The following ATF2 variants were observed in gnomAD, a reference collection of about 807,000 sequenced individuals.
The protein encoded by ATF2 is activating transcription factor 2.
ATF2 carries 24 observed loss-of-function variants against 60.6 expected under a neutral mutation model. That is an observed-to-expected ratio of 0.40 (90% CI 0.29 to 0.56). ATF2 has a LOEUF of 0.56. Among genes scored for constraint, ATF2 ranks in the 20% least tolerant of loss-of-function variants. ATF2 has a pLI of 0.54. For missense variants in ATF2, 433 were observed against 607.7 expected (o/e 0.71, Z 3.02); for synonymous variants, 206 against 215.4 (o/e 0.96, Z 0.38).
chr2:175,113,977 T>C lies in ATF2; in HGVS notation c.741+17A>G, dbSNP rs945250604. 1.1e-5 allele frequency: 17 copies of C among 1,580,118 alleles called. No individual in the cohort carries two copies. Among genetic ancestry groups the C allele is most frequent in the Non-Finnish European group, 1.2e-5 (14 of 1,153,654 alleles). The stretch of plus-strand genomic sequence containing the variant: ...ATCAGTTTTGCGATAGAGATTTAAA[T>C]AGTCTAACTTTCTTACTGGGACTGC... On this transcript the variant is annotated intron_variant, in intron 9 of 13. Transcript: ENST00000264110.
intron 13 of ATF2, among the ~76,000 whole-genome samples, chr2:175,075,940 T>C (rs1693259755): frequency 3.3e-5 from 5 of 152,232 alleles, no homozygotes; most frequent in Non-Finnish European, 2.9e-5. Flanking sequence ...ATTAAAACTT[T>C]TTTTATTCAG....
chr2:175,163,045 A>T (rs985738409), intron 1 of ATF2, among the ~76,000 whole-genome samples: 1 of 152,036 alleles, frequency 6.6e-6, no homozygotes, highest in Non-Finnish European at 1.5e-5. Context: ...GAGGCAGGAG[A>T]ATGGCATGAA....
intron 9 of ATF2, 130 bp downstream of exon 9, chr2:175,113,864 A>G (rs1696371487): frequency 1.1e-5 from 9 of 836,470 alleles, no homozygotes; most frequent in Non-Finnish European, 1.6e-5. Context: ...ATGATAACAA[A>G]TAAATACTAT....
chr2:175,087,957 C>A (rs570243249), intron 12 of ATF2, among the ~76,000 whole-genome samples: 1 of 152,258 alleles, frequency 6.6e-6, no homozygotes, highest in South Asian at 2.1e-4. Flanking sequence ...AGTGCAAAGA[C>A]AATGTCTTTT....
chr2:175,111,779 TTTTATCTCTATACCAAATCCTTATTTGG>T (rs1696208815), intron 9 of ATF2, 125 bp from the exon 10 acceptor site: 2 of 795,632 alleles, frequency 2.5e-6, no homozygotes, highest in South Asian at 3.9e-5. Context: ...CACCAGCTGA[TTTTATCTCTATACCAAATCCTTATTTGG>T]TCTTATATCC....
chr2:175,113,171 T>G (rs1696319925), intron 9 of ATF2, among the ~76,000 whole-genome samples: 1 of 152,180 alleles, frequency 6.6e-6, no homozygotes, highest in African/African-American at 2.4e-5. Flanking sequence ...AGAGTTTGTT[T>G]GAATAAAACT....
chr2:175,094,940 T>G lies in ATF2; in HGVS notation c.979-1673A>C, dbSNP rs116318324. Among the ~76,000 whole-genome samples, 750 of 152,166 alleles carry G rather than the reference T, an allele frequency of 4.9e-3. 5 individuals carry two copies. The highest frequency in any genetic ancestry group is 0.017 in the African/African-American group (689 of 41,520). On this transcript the variant is annotated intron_variant, in intron 11 of 13. Coordinates refer to ENST00000264110, the MANE Select transcript of ATF2 (RefSeq NM_001880.4). ...ATGGGCAACAGAGGAAGATCCCGTC[T>G]CAAAAAAGAAATATTTTAATTGTAA...
chr2:175,117,851 G>A (rs1696687547), intron 7 of ATF2, 139 bp downstream of exon 7: 14 of 906,060 alleles, frequency 1.5e-5, no homozygotes, highest in Admixed American at 6.9e-5. Flanking sequence ...AAATATCTGA[G>A]TATTGACAGG....
chr2:175,090,524 T>A (rs778566824), intron 12 of ATF2, among the ~76,000 whole-genome samples: 1 of 152,130 alleles, frequency 6.6e-6, no homozygotes, highest in African/African-American at 2.4e-5. Context: ...TGGAGAAGTA[T>A]TGTAAGTAAA....
At position 175,072,260 on chromosome 2, in the gene ATF2, A is replaced by C. The variant is rs1692992050; in HGVS notation, c.*2349T>G. 6.6e-6 allele frequency: 1 copy of C among 152,114 alleles called. No individual in the cohort carries two copies. The highest frequency in any genetic ancestry group is 6.6e-5 in the Admixed American group (1 of 15,246). The allele number at this position is 152,114 out of a possible 1,614,324, so 9.4% of individuals were successfully genotyped here. On this transcript the variant is annotated 3_prime_UTR_variant, in exon 14 of 14. Coordinates refer to ENST00000264110, the MANE Select transcript of ATF2 (RefSeq NM_001880.4). ...AAGAGAACAAGCAAATTATGAACAT[A>C]ATTTAAAGATAGAATTTATTCTCTG... is the stretch of plus-strand genomic sequence containing the variant.
In ATF2 at chr2:175,113,537, G is replaced by T. The variant is rs748028059; in HGVS notation, c.741+457C>A. Among the ~76,000 whole-genome samples, 10 of 152,210 alleles carry T rather than the reference G, an allele frequency of 6.6e-5. No homozygotes were observed. In the South Asian group the frequency reaches 1.0e-3, roughly 16 times the overall value. The stretch of plus-strand genomic sequence containing the variant: ...TGCGGGGTCTTTTCACAGGGAAAGT[G>T]AAAGATTATTTTTCTAGAACATTTA... On this transcript the variant is annotated intron_variant, in intron 9 of 13. Coordinates refer to ENST00000264110, the MANE Select transcript of ATF2 (RefSeq NM_001880.4).
chr2:175,114,531 T>A, intron 8 of ATF2, 159 bp downstream of exon 8: 1 of 1,338,508 alleles, frequency 7.5e-7, no homozygotes, highest in Non-Finnish European at 9.6e-7. Flanking sequence ...TTAATATTTA[T>A]ATTAAAGAAG....
At position 175,114,817 on chromosome 2, in the gene ATF2, C is replaced by T; in HGVS notation, c.499G>A (p.Ala167Thr). 1 of 1,613,932 alleles carries T rather than the reference C, an allele frequency of 6.2e-7. No homozygotes were observed. The highest frequency in any genetic ancestry group is 1.7e-4 in the Middle Eastern group (1 of 6,060). The change falls in exon 8 of 14, where the codon GCA becomes ACA. Residue 167 changes from alanine (A) to threonine (T), a missense_variant. Ala to Thr is a moderately conservative substitution (Grantham distance 58). Around this residue, in one of 5 missense-constraint regions of ATF2, gnomAD observed 246 missense variants for 309.3 expected, o/e 0.80. Coordinates refer to ENST00000264110, the MANE Select transcript of ATF2 (RefSeq NM_001880.4). ...AQPTSAIVRP[A>T]SLQVPNVLLT... Reference sequence around the variant, plus strand: ...AGCACATTGGGAACCTGTAATGATGCTGGACGAACAATAGCTGATGTGGGC... The same window carrying T: ...AGCACATTGGGAACCTGTAATGATGTTGGACGAACAATAGCTGATGTGGGC...
chr2:175,092,010 A>G (rs1014972975), intron 12 of ATF2, among the ~76,000 whole-genome samples: 10 of 152,250 alleles, frequency 6.6e-5, no homozygotes, highest in African/African-American at 2.4e-4. Context: ...ATCGTTAAAA[A>G]TAAGTTCTGC....
At chr2:175,103,805 A>G (rs905906201) in intron 10 of ATF2, among the ~76,000 whole-genome samples, 2 of 152,198 alleles carry the variant, frequency 1.3e-5, no homozygotes, top group Non-Finnish European at 2.9e-5. Flanking sequence ...TACAAAAGAA[A>G]ATTGTTTTAT....
rs757991273 is a variant in ATF2, at chr2:175,127,241, GA to G, written c.102+2896del. The stretch of plus-strand genomic sequence containing the variant: ...GTGACAGAGTGAGACCCTGTCTCGA[GA>G]AAAAAAAAAAAAAAAGTTAAAGTAA... On this transcript the variant is annotated intron_variant, in intron 4 of 13. Coordinates refer to ENST00000264110, the MANE Select transcript of ATF2 (RefSeq NM_001880.4). The G allele has an allele frequency of 3.6e-3, 362 of 100,722 alleles. 1 individual carries two copies. In the Middle Eastern group the frequency reaches 0.1, roughly 29 times the overall value. The allele number at this position is 100,722 out of a possible 1,614,324, so 6.2% of individuals were successfully genotyped here.
At chr2:175,139,343 TG>T (rs1490324483) in intron 2 of ATF2, among the ~76,000 whole-genome samples, 2 of 152,158 alleles carry the variant, frequency 1.3e-5, no homozygotes, top group Non-Finnish European at 2.9e-5. Flanking sequence ...CTCTGCATCT[TG>T]GAGAAGCTAC....
chr2:175,141,735 C>T (rs562158597), intron 2 of ATF2, among the ~76,000 whole-genome samples: 3 of 152,098 alleles, frequency 2.0e-5, no homozygotes, highest in East Asian at 1.9e-4. Context: ...CCTCGTGATC[C>T]GCCCGCCTTG....
intron 12 of ATF2, among the ~76,000 whole-genome samples, chr2:175,081,423 C>A (rs901499647): frequency 1.3e-5 from 2 of 152,158 alleles, no homozygotes; most frequent in Non-Finnish European, 2.9e-5. Flanking sequence ...ATGAGTACTT[C>A]AGCCATTGTT....
Sources: gnomAD v4.1 joint callset for allele counts (sites outside exome capture counted in the v4.1 genomes callset) on GRCh38, gnomAD v4.1.1 for gene constraint, gnomAD v4.1.1 regional missense constraint, MANE v1.5 for transcripts, NCBI Gene and HGNC (gene_info 2026-07-23, HGNC 2026-07-21) for gene names.